C6: variants seen among roughly 807,000 people sequenced by gnomAD.
C6 encodes complement C6.
In C6, 101 loss-of-function variants were observed where a neutral mutation model predicts 112.9. The ratio of observed to expected loss-of-function variants is 0.89; its 90% confidence interval spans 0.76 to 1.06. C6 has a LOEUF of 1.06. C6 is among the 50% of genes least tolerant of loss of function. The probability of loss-of-function intolerance (pLI) is 0.00; values close to 1 mark genes in which losing one functional copy is unlikely to be tolerated. For synonymous variants in C6, 431 were observed against 384.1 expected (o/e 1.12, Z -1.43); for missense variants, 1,202 against 1,104.6 (o/e 1.09, Z -1.25).
At position 41,149,334 on chromosome 5, in the gene C6, C is replaced by G; in HGVS notation, c.2530G>C (p.Glu844Gln). Residue 844 changes from glutamate to glutamine, a missense_variant, in exon 17 of 18, where the codon GAA becomes CAA. Coordinates refer to ENST00000337836, the MANE Select transcript of C6 (RefSeq NM_000065.5). ...IGSCQDGRQLEWGLERTRLSS... is the reference protein window; with the variant it reads ...IGSCQDGRQLQWGLERTRLSS... ...AGTCTTGTCCTTTCAAGACCCCATTCTAACTGGCGGCCGTCTTGGCAGGAA... is the reference window on the plus strand; with the variant it reads ...AGTCTTGTCCTTTCAAGACCCCATTGTAACTGGCGGCCGTCTTGGCAGGAA... The G allele has an allele frequency of 6.2e-7, 1 of 1,614,090 alleles. No individual in the cohort carries two copies. Among genetic ancestry groups the G allele is most frequent in the South Asian group, 1.1e-5 (1 of 91,078 alleles).
intron 1 of C6, among the ~76,000 whole-genome samples, chr5:41,222,344 C>G (rs1739225400): frequency 6.6e-6 from 1 of 151,552 alleles, no homozygotes; most frequent in Admixed American, 6.6e-5. Flanking sequence ...TTGTTATATG[C>G]TAATAGCTTT....
intron 13 of C6, among the ~76,000 whole-genome samples, chr5:41,156,179 C>T (rs573114297): frequency 1.2e-4 from 19 of 152,138 alleles, no homozygotes; most frequent in African/African-American, 3.9e-4. Flanking sequence ...TGCCATTCTT[C>T]GAACATAAAC....
chr5:41,252,742 C>G (rs938719598), intron 1 of C6, among the ~76,000 whole-genome samples: 8 of 152,112 alleles, frequency 5.3e-5, no homozygotes, highest in Admixed American at 2.6e-4. Flanking sequence ...TCTATTCTTT[C>G]TGAAGCTTGC....
chr5:41,175,229 C>A (rs918062475), intron 8 of C6, among the ~76,000 whole-genome samples: 2 of 152,054 alleles, frequency 1.3e-5, no homozygotes, highest in African/African-American at 2.4e-5. Flanking sequence ...TCAACCCTGG[C>A]GATCAAAGAA....
At chr5:41,235,210 A>G (rs373109627) in intron 1 of C6, among the ~76,000 whole-genome samples, 14 of 132,404 alleles carry the variant, frequency 1.1e-4, no homozygotes, top group South Asian at 6.0e-4. Flanking sequence ...ATATCTCCCA[A>G]TGCTATCCCT....
chr5:41,178,448 T>TTTTTTC (rs1263800755), intron 7 of C6, among the ~76,000 whole-genome samples: 7 of 142,918 alleles, frequency 4.9e-5, no homozygotes, highest in African/African-American at 8.5e-5. Context: ...TAGTATTTTC[T>TTTTTTC]TTTTTCTTTT....
chr5:41,210,864 T>C (rs1315996156), intron 1 of C6, among the ~76,000 whole-genome samples: 5 of 152,218 alleles, frequency 3.3e-5, no homozygotes, highest in Non-Finnish European at 7.3e-5. Flanking sequence ...AAATACCATT[T>C]GACCCAGCCA....
intron 5 of C6, among the ~76,000 whole-genome samples, chr5:41,187,994 A>G (rs1303593581): frequency 6.6e-6 from 1 of 152,202 alleles, no homozygotes; most frequent in Non-Finnish European, 1.5e-5. Context: ...GCAATGAACA[A>G]TCCAAAAATA....
chr5:41,218,083 C>T (rs143561727), upstream of C6, among the ~76,000 whole-genome samples: 590 of 152,184 alleles, frequency 3.9e-3, 6 homozygotes, highest in African/African-American at 0.013. Flanking sequence ...GATTATATAC[C>T]AGGCATTATG....
chr5:41,190,592 G>A (rs895421641), intron 5 of C6, among the ~76,000 whole-genome samples: 18 of 152,124 alleles, frequency 1.2e-4, no homozygotes, highest in Non-Finnish European at 2.2e-4. Context: ...TTTCTGCACT[G>A]TACAAAAAGC....
chr5:41,168,685 A>T (rs535310602), intron 9 of C6, among the ~76,000 whole-genome samples: 1 of 152,266 alleles, frequency 6.6e-6, no homozygotes, highest in Admixed American at 6.5e-5. Context: ...GACACAGTTA[A>T]AGTCCTAGGA....
At chr5:41,199,992 T>C in intron 3 of C6, 80 bp from the exon 4 acceptor site, 1 of 1,280,814 alleles carries the variant, frequency 7.8e-7, no homozygotes, top group African/African-American at 1.5e-5. Context: ...GGCTCCTCAA[T>C]CACAACAGTG....
intron 17 of C6, among the ~76,000 whole-genome samples, chr5:41,144,337 G>C (rs1745614387): frequency 6.6e-6 from 1 of 152,020 alleles, no homozygotes; most frequent in Non-Finnish European, 1.5e-5. Flanking sequence ...GCACAATCAT[G>C]GCTCACTGCA....
chr5:41,193,827 T>C (rs975125342), intron 5 of C6, among the ~76,000 whole-genome samples: 3 of 147,842 alleles, frequency 2.0e-5, no homozygotes, highest in Admixed American at 1.4e-4. Context: ...GTTAGAAATA[T>C]GTTGGATAGC....
chr5:41,257,639 A>G (rs751021798), intron 1 of C6, among the ~76,000 whole-genome samples: 1 of 152,174 alleles, frequency 6.6e-6, no homozygotes, highest in African/African-American at 2.4e-5. Flanking sequence ...CCACTATGAA[A>G]GTAGAAGCCA....
chr5:41,230,756 G>A (rs1197729876), intron 1 of C6, among the ~76,000 whole-genome samples: 2 of 152,024 alleles, frequency 1.3e-5, no homozygotes, highest in East Asian at 3.9e-4. Flanking sequence ...GCTTGGGGTC[G>A]TCATCACAGT....
intron 1 of C6, among the ~76,000 whole-genome samples, chr5:41,233,449 C>G (rs1740033370): frequency 1.3e-5 from 2 of 152,002 alleles, no homozygotes; most frequent in African/African-American, 4.8e-5. Context: ...AGGCATAATT[C>G]TTTTTCACTA....
At chr5:41,206,707 C>T (rs893697776) in intron 1 of C6, among the ~76,000 whole-genome samples, 3 of 152,092 alleles carry the variant, frequency 2.0e-5, no homozygotes, top group Non-Finnish European at 2.9e-5. Flanking sequence ...ACGAAGCCTC[C>T]AAGAAATATG....
chr5:41,233,002 C>A (rs1051797638), intron 1 of C6, among the ~76,000 whole-genome samples: 10 of 151,994 alleles, frequency 6.6e-5, no homozygotes, highest in Admixed American at 1.3e-4. Flanking sequence ...AGCATTATTT[C>A]TGCTTTGTAT....
Sources: gnomAD v4.1 joint callset for allele counts (sites outside exome capture counted in the v4.1 genomes callset) on GRCh38, gnomAD v4.1.1 for gene constraint, MANE v1.5 for transcripts, NCBI Gene and HGNC (gene_info 2026-07-23, HGNC 2026-07-21) for gene names.